ZFHX3: variants seen among roughly 807,000 people sequenced by gnomAD.
The protein encoded by ZFHX3 is zinc finger homeobox protein 3.
ZFHX3 carries 42 observed loss-of-function variants against 279.1 expected under a neutral mutation model. The ratio of observed to expected loss-of-function variants is 0.15; its 90% CI spans 0.12 to 0.19. ZFHX3 has a LOEUF of 0.19. Among genes scored for constraint, ZFHX3 ranks in the 10% least tolerant of loss-of-function variants. ZFHX3 has a pLI of 1.00. For missense variants in ZFHX3, 4,981 were observed against 4,754.0 expected, an observed-to-expected ratio of 1.05 and a Z score of -1.40; for synonymous variants, 2,293 against 1,957.8, an observed-to-expected ratio of 1.17 and a Z score of -4.52.
chr16:73,681,933 G>T lies in ZFHX3; in HGVS notation c.-1607-1693C>A, dbSNP rs538916651. On this transcript the variant is annotated intron_variant, in intron 1 of 17. Coordinates refer to the ZFHX3 transcript ENST00000641206. ...TTTCCAATAAATACGATTCCCCAAAGAGGGTATCTAATAAATAGGGATAAT... is the reference window on the plus strand; with the variant it reads ...TTTCCAATAAATACGATTCCCCAAATAGGGTATCTAATAAATAGGGATAAT... Among the ~76,000 whole-genome samples, 234 of 152,322 alleles carry T rather than the reference G, an allele frequency of 1.5e-3. 1 individual carries two copies. Among genetic ancestry groups the T allele is most frequent in the Admixed American group, 2.4e-3 (37 of 15,304 alleles).
intron 4 of ZFHX3, among the ~76,000 whole-genome samples, chr16:72,882,380 A>T (rs772204550): frequency 6.6e-5 from 10 of 152,146 alleles, no homozygotes; most frequent in Non-Finnish European, 1.5e-4. Context: ...ATATGCTGAA[A>T]CAACACGCAC....
intron 4 of ZFHX3, among the ~76,000 whole-genome samples, chr16:72,847,661 A>G (rs536899666): frequency 6.6e-6 from 1 of 152,134 alleles, no homozygotes; most frequent in South Asian, 2.1e-4. Flanking sequence ...TCCCCAGAGG[A>G]GTGAATTCCT....
intron 1 of ZFHX3, among the ~76,000 whole-genome samples, chr16:73,687,783 G>C (rs2053104805): frequency 1.4e-5 from 2 of 139,128 alleles, no homozygotes; most frequent in African/African-American, 5.3e-5. Context: ...AGGAGGCAGA[G>C]GTTGCAGTGA....
chr16:73,414,854 CAA>C, intron 3 of ZFHX3, among the ~76,000 whole-genome samples: 1 of 152,314 alleles, frequency 6.6e-6, no homozygotes, highest in East Asian at 1.9e-4. Flanking sequence ...CAAAACAAAA[CAA>C]GAGGCTGGAT....
chr16:73,833,944 C>A (rs959315237), intron 1 of ZFHX3, among the ~76,000 whole-genome samples: 1 of 151,430 alleles, frequency 6.6e-6, no homozygotes, highest in Admixed American at 6.6e-5. Context: ...CCAAAGTAAA[C>A]GACAAGGGTG....
chr16:73,599,309 T>C (rs1280856346), intron 2 of ZFHX3, among the ~76,000 whole-genome samples: 1 of 152,212 alleles, frequency 6.6e-6, no homozygotes, highest in African/African-American at 2.4e-5. Context: ...TCAGTGTGGA[T>C]GTCCTCTGAG....
intron 2 of ZFHX3, among the ~76,000 whole-genome samples, chr16:73,545,112 G>T (rs1187821638): frequency 1.3e-5 from 2 of 152,072 alleles, no homozygotes; most frequent in Non-Finnish European, 1.5e-5. Flanking sequence ...AGTCTCCACA[G>T]TGAGGCCCCT....
chr16:73,169,084 T>A (rs1967460731), intron 5 of ZFHX3, among the ~76,000 whole-genome samples: 1 of 152,218 alleles, frequency 6.6e-6, no homozygotes, highest in Non-Finnish European at 1.5e-5. Context: ...AATTGGAGGA[T>A]ATTTGTGAGG....
At chr16:73,424,973 G>T (rs2017786055) in intron 3 of ZFHX3, among the ~76,000 whole-genome samples, 2 of 152,152 alleles carry the variant, frequency 1.3e-5, no homozygotes, top group East Asian at 1.9e-4. Context: ...CCCATGAGGG[G>T]GTCTGATAAC....
intron 1 of ZFHX3, among the ~76,000 whole-genome samples, chr16:72,982,562 T>C (rs916849921): frequency 9.8e-5 from 15 of 152,320 alleles, no homozygotes; most frequent in Middle Eastern, 3.4e-3. Context: ...AAGGAGGTAT[T>C]TTCATTGATC....
At chr16:73,628,586 G>A (rs1191526558) in intron 2 of ZFHX3, among the ~76,000 whole-genome samples, 2 of 152,114 alleles carry the variant, frequency 1.3e-5, no homozygotes, top group Admixed American at 6.5e-5. Context: ...CTTGCCCATA[G>A]TAGATACTCA....
At chr16:73,687,704 T>C (rs933157320) in intron 1 of ZFHX3, among the ~76,000 whole-genome samples, 1 of 151,768 alleles carries the variant, frequency 6.6e-6, no homozygotes, top group African/African-American at 2.4e-5. Context: ...TAGCCAGGCA[T>C]GGTGGCACAT....
At chr16:73,194,273 C>T (rs1227859427) in intron 5 of ZFHX3, among the ~76,000 whole-genome samples, 2 of 152,110 alleles carry the variant, frequency 1.3e-5, no homozygotes, top group African/African-American at 4.8e-5. Context: ...GATCATGGCT[C>T]ACTGCAGCCT....
At chr16:72,876,734 TTC>T (rs1381072872) in intron 4 of ZFHX3, among the ~76,000 whole-genome samples, 2 of 152,094 alleles carry the variant, frequency 1.3e-5, no homozygotes, top group African/African-American at 4.8e-5. Context: ...GCTGCTGCTT[TTC>T]AATTTTTTTC....
chr16:72,930,809 G>A (rs75811565), intron 3 of ZFHX3, among the ~76,000 whole-genome samples: 6,205 of 152,170 alleles, frequency 0.041, 302 homozygotes, highest in African/African-American at 0.1. Context: ...TTACCTACAC[G>A]TAAGAAATGC....
intron 7 of ZFHX3, among the ~76,000 whole-genome samples, chr16:73,106,950 C>T (rs544684734): frequency 6.6e-6 from 1 of 152,238 alleles, no homozygotes; most frequent in African/African-American, 2.4e-5. Context: ...GACTAACAGT[C>T]CATCTAACCG....
chr16:73,478,774 T>C (rs2018813657), intron 2 of ZFHX3, among the ~76,000 whole-genome samples: 1 of 152,108 alleles, frequency 6.6e-6, no homozygotes, highest in Admixed American at 6.5e-5. Flanking sequence ...AGACTCAAGC[T>C]GGGCGCGGTG....
chr16:73,020,541 A>G (rs1215521957), intron 1 of ZFHX3, among the ~76,000 whole-genome samples: 1 of 152,132 alleles, frequency 6.6e-6, no homozygotes, highest in African/African-American at 2.4e-5. Context: ...GGGACAAACC[A>G]CTGTGTAGCC....
intron 2 of ZFHX3, among the ~76,000 whole-genome samples, chr16:73,648,172 A>G (rs1401173422): frequency 2.6e-5 from 4 of 152,176 alleles, no homozygotes; most frequent in African/African-American, 7.2e-5. Flanking sequence ...ACTTGAGCAA[A>G]TGTGCAGGAT....
Sources: gnomAD v4.1 joint callset for allele counts (sites outside exome capture counted in the v4.1 genomes callset) on GRCh38, gnomAD v4.1.1 for gene constraint, MANE v1.5 for transcripts, NCBI Gene and HGNC (gene_info 2026-07-23, HGNC 2026-07-21) for gene names.